Variants in JADE2 observed in about 807,000 individuals in gnomAD.
The protein encoded by JADE2 is E3 ubiquitin-protein ligase Jade-2.
Under a neutral mutation model 85.7 loss-of-function variants are expected in JADE2, and 13 were observed. The observed-to-expected ratio is 0.15, with a 90% CI of 0.10 to 0.24. The LOEUF (loss-of-function observed/expected upper bound fraction) is 0.24, where lower values mean the gene tolerates loss of function less well. Ranked by LOEUF, JADE2 falls within the 10% of genes least tolerant of loss-of-function variation. The pLI is 1.00. For synonymous variants in JADE2, 440 were observed against 456.1 expected (o/e 0.96, Z 0.45); for missense variants, 846 against 1,115.9 (o/e 0.76, Z 3.45).
At chr5:134,533,155 G>T (rs1461437754) in intron 1 of JADE2, among the ~76,000 whole-genome samples, 1 of 152,114 alleles carries the variant, frequency 6.6e-6, no homozygotes, top group South Asian at 2.1e-4. Flanking sequence ...ACTGTATAGG[G>T]TCACTGCCTC....
chr5:134,573,375 C>T (rs148074759), intron 9 of JADE2, among the ~76,000 whole-genome samples: 192 of 152,298 alleles, frequency 1.3e-3, no homozygotes, highest in African/African-American at 4.4e-3. Context: ...GTTGACCTAA[C>T]CAGATGCTTT....
intron 3 of JADE2, among the ~76,000 whole-genome samples, chr5:134,543,141 T>C (rs1200383067): frequency 6.6e-6 from 1 of 150,890 alleles, no homozygotes; most frequent in Non-Finnish European, 1.5e-5. Context: ...TTTAGGCAAT[T>C]CCCCTGCCTC....
Position 134,547,212 on chromosome 5 carries a change from T to C in JADE2, c.154-4840T>C. Among the ~76,000 whole-genome samples the C allele has an allele frequency of 1.3e-5, 2 of 152,174 alleles. 1 individual carries two copies. The highest frequency in any genetic ancestry group is 2.9e-5 in the Non-Finnish European group (2 of 68,028). ...CATGTGATGTGTTTCTGGAGAAGCGTCCCTACATCTGGGCAGAGCAGACTC... is the reference window on the plus strand; with the variant it reads ...CATGTGATGTGTTTCTGGAGAAGCGCCCCTACATCTGGGCAGAGCAGACTC... On this transcript the variant is annotated intron_variant, in intron 3 of 11. Coordinates refer to ENST00000681547, the MANE Select transcript of JADE2 (RefSeq NM_001388185.1).
intron 4 of JADE2, among the ~76,000 whole-genome samples, 165 bp downstream of exon 4, chr5:134,552,374 G>A (rs1581432495): frequency 6.6e-6 from 1 of 152,226 alleles, no homozygotes; most frequent in South Asian, 2.1e-4. Flanking sequence ...CAGAAATACT[G>A]GTGGTTTAAC....
At chr5:134,529,346 C>G (rs1339725354) in intron 1 of JADE2, among the ~76,000 whole-genome samples, 4 of 152,154 alleles carry the variant, frequency 2.6e-5, no homozygotes, top group African/African-American at 4.8e-5. Context: ...TCAGACAGCC[C>G]ATAGGAATCT....
Position 134,578,933 on chromosome 5 carries a change from C to A in JADE2, c.2121C>A (p.Asp707Glu), listed in dbSNP as rs758798989. ...TGCCGTCCAGCCCTGCAGCCGGGGA[C>A]TGTCCCATCCTAGCCACCCCTGAAA... is the stretch of plus-strand genomic sequence containing the variant. ...SHLPSSPAAG[D>E]CPILATPESP... Residue 707 changes from aspartate to glutamate, a missense_variant, in exon 12 of 12, where the codon GAC becomes GAA. By Grantham distance (45) the Asp-to-Glu change is conservative. Transcript: ENST00000681547. The surrounding 1 kb of genome is among the most constrained non-coding windows in gnomAD (Gnocchi z 4.4). 6.2e-6 allele frequency: 10 copies of A among 1,613,596 alleles called. No individual in the cohort carries two copies. Among genetic ancestry groups the A allele is most frequent in the Non-Finnish European group, 8.5e-6 (10 of 1,179,986 alleles).
chr5:134,540,353 G>A (rs900708128), intron 3 of JADE2, among the ~76,000 whole-genome samples: 6 of 151,754 alleles, frequency 4.0e-5, no homozygotes, highest in Non-Finnish European at 8.8e-5. Context: ...CGAGTAGCTA[G>A]AACTACAGGT....
intron 1 of JADE2, chr5:134,526,837 C>A: frequency 4.6e-6 from 4 of 864,292 alleles, no homozygotes; most frequent in Non-Finnish European, 5.6e-6. Context: ...CGGGGCCGCG[C>A]GGTAGTCCAG....
chr5:134,566,067 T>C lies in JADE2; in HGVS notation c.970-49T>C, dbSNP rs781482633. 8.6e-6 allele frequency: 13 copies of C among 1,517,156 alleles called. No homozygotes were observed. Among genetic ancestry groups the C allele is most frequent in the Non-Finnish European group, 8.1e-6 (9 of 1,105,554 alleles). 94.0% of individuals were successfully genotyped at this position (1,517,156 alleles called of 1,614,324 possible). On this transcript the variant is annotated intron_variant, in intron 8 of 11. Coordinates refer to ENST00000681547, the MANE Select transcript of JADE2 (RefSeq NM_001388185.1). This position sits in a 1 kb window ranked among gnomAD's most constrained non-coding sequence, Gnocchi z 6.7. ...GGGGAAGCCCCTCTGTCTTCTCCCC[T>C]CCCACCAGGCTCCCTCCATGTCTGA... is the stretch of plus-strand genomic sequence containing the variant.
chr5:134,578,854 A>AG lies in JADE2; in HGVS notation c.2048dup (p.Gln684SerfsTer32), dbSNP rs774622876. On this transcript the variant is annotated frameshift_variant, in exon 12 of 12. Transcript: ENST00000681547. LOFTEE classifies it high-confidence loss of function. This position sits in a 1 kb window ranked among gnomAD's most constrained non-coding sequence, Gnocchi z 4.4. ...TGGGGCCAGGATGCAGGCAGTGGCAAGGGGGGTCAAGGGCCACCTACCAGG... is the reference window on the plus strand; with the variant it reads ...TGGGGCCAGGATGCAGGCAGTGGCAAGGGGGGGTCAAGGGCCACCTACCAGG... 2.5e-6 allele frequency: 4 copies of AG among 1,613,722 alleles called. No homozygotes were observed. The highest frequency in any genetic ancestry group is 3.3e-5 in the Admixed American group (2 of 60,022).
At chr5:134,576,980 A>G (rs2150026421) in intron 11 of JADE2, 84 bp downstream of exon 11, 1 of 1,443,290 alleles carries the variant, frequency 6.9e-7, no homozygotes, top group Non-Finnish European at 9.2e-7. Context: ...GCGGAAGGCC[A>G]GCTGCACAGA....
intron 3 of JADE2, among the ~76,000 whole-genome samples, chr5:134,551,703 C>T (rs987117402): frequency 6.6e-6 from 1 of 152,118 alleles, no homozygotes; most frequent in Non-Finnish European, 1.5e-5. Flanking sequence ...ACATTAGCCT[C>T]TCTGTCCTCT....
chr5:134,532,424 C>T (rs918516564), intron 1 of JADE2, among the ~76,000 whole-genome samples: 14 of 152,088 alleles, frequency 9.2e-5, no homozygotes, highest in African/African-American at 3.4e-4. Flanking sequence ...CTCTACGACA[C>T]CCACACTTTG....
At chr5:134,559,423 G>A (rs1014454899) in intron 4 of JADE2, among the ~76,000 whole-genome samples, 2 of 152,228 alleles carry the variant, frequency 1.3e-5, no homozygotes, top group African/African-American at 4.8e-5. Flanking sequence ...GCCCATGATG[G>A]CACATAGGAT....
At chr5:134,542,716 A>G (rs1363218752) in intron 3 of JADE2, among the ~76,000 whole-genome samples, 1 of 151,806 alleles carries the variant, frequency 6.6e-6, no homozygotes, top group Non-Finnish European at 1.5e-5. Flanking sequence ...TGCTGGGATT[A>G]CAAGCGTGAG....
At chr5:134,547,260 T>A (rs551458502) in intron 3 of JADE2, among the ~76,000 whole-genome samples, 1 of 152,208 alleles carries the variant, frequency 6.6e-6, no homozygotes, top group African/African-American at 2.4e-5. Flanking sequence ...CAGGGCTGCA[T>A]TGGCACCCCT....
intron 8 of JADE2, among the ~76,000 whole-genome samples, chr5:134,565,818 C>T (rs545652435): frequency 2.9e-5 from 3 of 102,310 alleles, no homozygotes; most frequent in Non-Finnish European, 4.3e-5. Flanking sequence ...CAGAGTGAGA[C>T]TCTGTCTCAA....
intron 1 of JADE2, among the ~76,000 whole-genome samples, chr5:134,535,551 G>A (rs1286793612): frequency 6.6e-6 from 1 of 152,154 alleles, no homozygotes; most frequent in Non-Finnish European, 1.5e-5. Flanking sequence ...GCAGGTCATG[G>A]TCACTATTCA....
intron 4 of JADE2, among the ~76,000 whole-genome samples, chr5:134,552,987 CTTTTTT>C (rs34182692): frequency 4.8e-5 from 3 of 62,394 alleles, no homozygotes; most frequent in African/African-American, 6.8e-5. Flanking sequence ...TGGGCCTGGC[CTTTTTT>C]TTTTTTTTTT....
Sources: gnomAD v4.1 joint callset for allele counts (sites outside exome capture counted in the v4.1 genomes callset) on GRCh38, gnomAD v4.1.1 for gene constraint, Gnocchi (gnomAD v3.1) non-coding constraint, MANE v1.5 for transcripts, NCBI Gene and HGNC (gene_info 2026-07-23, HGNC 2026-07-21) for gene names.